LMNA: variants seen among roughly 807,000 people sequenced by gnomAD.
LMNA encodes lamin.
A neutral mutation model predicts 70.4 loss-of-function variants in LMNA; 20 were observed. The observed-to-expected ratio is 0.28, with a 90% CI of 0.20 to 0.41. The LOEUF is 0.41. Among genes scored for constraint, LMNA ranks in the 10% least tolerant of loss-of-function variants. The probability of loss-of-function intolerance (pLI) is 1.00; values close to 1 mark genes in which losing one functional copy is unlikely to be tolerated. For missense variants in LMNA, 652 were observed against 917.2 expected (o/e 0.71, Z 3.73); for synonymous variants, 339 against 372.8 (o/e 0.91, Z 1.04).
intron 3 of LMNA, among the ~76,000 whole-genome samples, chr1:156,104,032 G>A (rs1302904371): frequency 1.3e-5 from 2 of 152,184 alleles, no homozygotes; most frequent in Admixed American, 6.5e-5. Flanking sequence ...CCCACTGAAG[G>A]AGGGATTGGG....
chr1:156,135,105 C>CT lies in LMNA; in HGVS notation c.811-81dup. 6.2e-7 allele frequency: 1 copy of CT among 1,610,758 alleles called. No homozygotes were observed. Among genetic ancestry groups the CT allele is most frequent in the South Asian group, 1.1e-5 (1 of 90,722 alleles). ...GCTCAGGGTGGCCCAGGACCTGGGG[C>CT]TGTAGCAGTGATGCCCAACTCAGGC... On this transcript the variant is annotated intron_variant, in intron 4 of 11. Coordinates refer to ENST00000368300, the MANE Select transcript of LMNA (RefSeq NM_170707.4). The surrounding 1 kb of genome is among the most constrained non-coding windows in gnomAD (Gnocchi z 4.8).
upstream of LMNA, among the ~76,000 whole-genome samples, chr1:156,112,970 G>A (rs1192687008): frequency 6.6e-6 from 1 of 152,078 alleles, no homozygotes; most frequent in Admixed American, 6.6e-5. Context: ...AGGCAGATGG[G>A]ACCCAGGCCT....
At position 156,135,215 on chromosome 1, in the gene LMNA, G is replaced by A; in HGVS notation, c.839G>A (p.Arg280Lys). 1 of 1,613,958 alleles carries A rather than the reference G, an allele frequency of 6.2e-7. No individual in the cohort carries two copies. Among genetic ancestry groups the A allele is most frequent in the Non-Finnish European group, 8.5e-7 (1 of 1,180,032 alleles). Residue 280 changes from arginine to lysine, a missense_variant, in exon 5 of 12, where the codon AGG becomes AAG. By Grantham distance (26) the Arg-to-Lys change is conservative. This residue lies in a region of LMNA where 254 missense variants were observed against 421.9 expected (regional missense o/e 0.60). Coordinates refer to ENST00000368300, the MANE Select transcript of LMNA (RefSeq NM_170707.4). This position sits in a 1 kb window ranked among gnomAD's most constrained non-coding sequence, Gnocchi z 4.8. The stretch of plus-strand genomic sequence containing the variant: ...GACAATGCCAGGCAGTCTGCTGAGA[G>A]GAACAGCAACCTGGTGGGGGCTGCC... ...KLDNARQSAE[R>K]NSNLVGAAHE... is the part of the protein sequence containing the mutation.
In LMNA at chr1:156,135,358, C is replaced by T; in HGVS notation, c.936+46C>T. On this transcript the variant is annotated intron_variant, in intron 5 of 11. Coordinates refer to ENST00000368300, the MANE Select transcript of LMNA (RefSeq NM_170707.4). This position sits in a 1 kb window ranked among gnomAD's most constrained non-coding sequence, Gnocchi z 4.8. ...TCTCTCCAGGGGCCTAGAGTCTGGG[C>T]CGGATGCAGGCTGGAAGCCCAGGGT... is the stretch of plus-strand genomic sequence containing the variant. 6.4e-7 allele frequency: 1 copy of T among 1,554,774 alleles called. No homozygotes were observed. The highest frequency in any genetic ancestry group is 8.7e-7 in the Non-Finnish European group (1 of 1,144,398).
At position 156,139,614 on chromosome 1, in the gene LMNA, G is replaced by A; in HGVS notation, c.*508G>A. ...GAGAGAGAGAGAGAGAGGACAGCTT[G>A]AGCCGGGCCCCTGGGCTTGGCCTGC... On this transcript the variant is annotated 3_prime_UTR_variant, in exon 12 of 12. Transcript: ENST00000368300. 1 of 1,429,130 alleles carries A rather than the reference G, an allele frequency of 7.0e-7. No individual in the cohort carries two copies. The highest frequency in any genetic ancestry group is 1.5e-5 in the South Asian group (1 of 68,626). 88.5% of individuals were successfully genotyped at this position (1,429,130 alleles called of 1,614,324 possible).
chr1:156,117,578 G>C (rs551020725), intron 1 of LMNA, among the ~76,000 whole-genome samples: 108 of 152,124 alleles, frequency 7.1e-4, no homozygotes, highest in African/African-American at 2.5e-3. Flanking sequence ...ACCCAGGCTG[G>C]AGTGCAGTGG....
intron 2 of LMNA, among the ~76,000 whole-genome samples, chr1:156,085,715 C>T (rs1467560219): frequency 6.6e-6 from 1 of 152,192 alleles, no homozygotes; most frequent in African/African-American, 2.4e-5. Flanking sequence ...TTTGGGGAGT[C>T]ATTTATTGCT....
intron 3 of LMNA, among the ~76,000 whole-genome samples, chr1:156,095,123 T>A (rs1274972130): frequency 6.6e-6 from 1 of 152,080 alleles, no homozygotes; most frequent in Non-Finnish European, 1.5e-5. Flanking sequence ...GAGATGTGGT[T>A]GCACCATGTT....
At position 156,126,067 on chromosome 1, in the gene LMNA, T is replaced by C. The variant is rs1650547431; in HGVS notation, c.357-4550T>C. ...TAAACAAATTAGATGCCCAGGAGGA[T>C]ACAGGAGAGCATTTGCCACCAGGCG... On this transcript the variant is annotated intron_variant, in intron 1 of 11. Coordinates refer to ENST00000368300, the MANE Select transcript of LMNA (RefSeq NM_170707.4). 10 of 632,264 alleles carry C rather than the reference T, an allele frequency of 1.6e-5. No individual in the cohort carries two copies. In the South Asian group the frequency reaches 3.6e-4, roughly 23 times the overall value. The allele number at this position is 632,264 out of a possible 1,614,324, so 39.2% of individuals were successfully genotyped here.
intron 1 of LMNA, among the ~76,000 whole-genome samples, chr1:156,127,225 A>G: frequency 6.6e-6 from 1 of 152,070 alleles, no homozygotes; most frequent in East Asian, 1.9e-4. Flanking sequence ...AGGAGGGAGG[A>G]GAGACACTGG....
rs898277869 is a variant in LMNA, at chr1:156,136,569, C to T, written c.1380+133C>T. On this transcript the variant is annotated intron_variant, in intron 7 of 11. Coordinates refer to ENST00000368300, the MANE Select transcript of LMNA (RefSeq NM_170707.4). The surrounding 1 kb of genome is among the most constrained non-coding windows in gnomAD (Gnocchi z 6.1). ...ACCAGGGTGAGCCTGTATATCTCCT[C>T]CACACTCTGGTTCCAGGCCTGGCTC... 2.7e-5 allele frequency: 26 copies of T among 952,968 alleles called. No individual in the cohort carries two copies. In the Admixed American group the frequency reaches 2.8e-4, roughly 10 times the overall value. The allele number at this position is 952,968 out of a possible 1,614,324, so 59.0% of individuals were successfully genotyped here. A position where few individuals can be genotyped will look rare whatever the true frequency, so the allele number is the denominator to read the frequency against.
intron 1 of LMNA, chr1:156,126,265 A>T: frequency 6.9e-7 from 1 of 1,440,158 alleles, no homozygotes; most frequent in Non-Finnish European, 9.2e-7. Context: ...GAGTCCCTGC[A>T]GGGCTGGGCC....
intron 2 of LMNA, among the ~76,000 whole-genome samples, chr1:156,085,075 A>C (rs1648428250): frequency 1.3e-5 from 2 of 152,332 alleles, no homozygotes; most frequent in African/African-American, 4.8e-5. Flanking sequence ...GTTAATGTCC[A>C]CCCTCAGGGT....
At chr1:156,086,426 T>TCTCTCTCTCTCTCTCTC (rs1375166588) in intron 2 of LMNA, among the ~76,000 whole-genome samples, 2 of 95,814 alleles carry the variant, frequency 2.1e-5, no homozygotes, top group African/African-American at 9.1e-5. Flanking sequence ...CTCTCTCTCT[T>TCTCTCTCTCTCTCTCTC]TTGTCTTTCT....
intron 3 of LMNA, among the ~76,000 whole-genome samples, chr1:156,092,016 C>T (rs549735889): frequency 6.6e-6 from 1 of 152,044 alleles, no homozygotes; most frequent in South Asian, 2.1e-4. Flanking sequence ...CTCCTGGGTT[C>T]AAGCCATTCT....
intron 1 of LMNA, among the ~76,000 whole-genome samples, chr1:156,121,614 A>C (rs963696832): frequency 1.3e-5 from 2 of 151,782 alleles, no homozygotes; most frequent in Non-Finnish European, 2.9e-5. Context: ...GGACAGCTGG[A>C]TGGACAACTG....
chr1:156,089,200 C>T (rs1648597194), intron 2 of LMNA, among the ~76,000 whole-genome samples: 1 of 152,128 alleles, frequency 6.6e-6, no homozygotes, highest in South Asian at 2.1e-4. Context: ...TGGTGTCAAA[C>T]TCCTGAGCTC....
chr1:156,088,797 G>A (rs556272347), intron 2 of LMNA, among the ~76,000 whole-genome samples: 11 of 152,268 alleles, frequency 7.2e-5, no homozygotes, highest in Non-Finnish European at 1.3e-4. Context: ...TTACAGGCAT[G>A]TGCCACCACA....
chr1:156,139,848 C>A lies in LMNA; in HGVS notation c.*742C>A. Reference sequence around the variant, plus strand: ...TGAGCTGCCTTCCCTAGCTTTAGACCCTGGGTGGGCTCTGTGCAGTCACTG... The same window carrying A: ...TGAGCTGCCTTCCCTAGCTTTAGACACTGGGTGGGCTCTGTGCAGTCACTG... On this transcript the variant is annotated 3_prime_UTR_variant, in exon 12 of 12. Transcript: ENST00000368300. The A allele has an allele frequency of 3.3e-6, 5 of 1,511,686 alleles. No homozygotes were observed. The highest frequency in any genetic ancestry group is 4.4e-6 in the Non-Finnish European group (5 of 1,135,060). 93.6% of individuals were successfully genotyped at this position (1,511,686 alleles called of 1,614,324 possible).
Sources: allele counts gnomAD v4.1 joint callset (sites outside exome capture counted in the v4.1 genomes callset), GRCh38; gene constraint gnomAD v4.1.1; regional missense constraint gnomAD v4.1.1; non-coding constraint Gnocchi (gnomAD v3.1); transcripts MANE v1.5; gene names NCBI Gene and HGNC (gene_info 2026-07-23, HGNC 2026-07-21).